SEPTIN11: variants seen among roughly 807,000 people sequenced by gnomAD.
SEPTIN11 encodes the protein septin 11.
SEPTIN11 carries 25 observed loss-of-function variants against 51.4 expected under a neutral mutation model. The ratio of observed to expected loss-of-function variants is 0.49; its 90% CI spans 0.35 to 0.68. The LOEUF is 0.68. SEPTIN11 is among the 30% of genes least tolerant of loss of function. SEPTIN11 has a pLI of 0.00. For missense variants in SEPTIN11, 381 were observed against 520.8 expected, an observed-to-expected ratio of 0.73 and a Z score of 2.61; for synonymous variants, 174 against 184.1, an observed-to-expected ratio of 0.95 and a Z score of 0.44.
intron 1 of SEPTIN11, among the ~76,000 whole-genome samples, chr4:76,960,958 G>A (rs996329584): frequency 5.9e-5 from 9 of 152,194 alleles, no homozygotes; most frequent in African/African-American, 2.2e-4. Flanking sequence ...ATTCATGACT[G>A]TGCAGCATCA....
intron 1 of SEPTIN11, among the ~76,000 whole-genome samples, chr4:76,956,684 G>A (rs1482905597): frequency 1.3e-5 from 2 of 152,174 alleles, no homozygotes; most frequent in Non-Finnish European, 2.9e-5. Context: ...TCACTTCCAT[G>A]CAGATTGTAT....
intron 2 of SEPTIN11, among the ~76,000 whole-genome samples, chr4:77,001,191 T>C (rs189243933): frequency 2.6e-5 from 4 of 152,278 alleles, no homozygotes; most frequent in Admixed American, 2.0e-4. Flanking sequence ...AAAACAGAAG[T>C]CCCAGATAGC....
At chr4:76,952,352 T>C (rs559914654) in intron 1 of SEPTIN11, among the ~76,000 whole-genome samples, 122 of 152,324 alleles carry the variant, frequency 8.0e-4, no homozygotes, top group African/African-American at 2.8e-3. Context: ...TCCCTAGGTA[T>C]TTAATTAGAT....
chr4:76,964,534 G>A (rs568877256), intron 1 of SEPTIN11, among the ~76,000 whole-genome samples: 3 of 152,252 alleles, frequency 2.0e-5, no homozygotes, highest in South Asian at 2.1e-4. Flanking sequence ...AGAGATACTC[G>A]AGGATCTTCA....
intron 2 of SEPTIN11, among the ~76,000 whole-genome samples, chr4:76,998,668 C>T (rs1467991415): frequency 6.6e-6 from 1 of 152,158 alleles, no homozygotes; most frequent in East Asian, 1.9e-4. Context: ...TTAAGAGCAG[C>T]TGGCTGCAGG....
intron 5 of SEPTIN11, among the ~76,000 whole-genome samples, chr4:77,016,655 T>TATATATATATATATACAC (rs1553975019): frequency 9.2e-6 from 1 of 109,024 alleles, no homozygotes; most frequent in Non-Finnish European, 2.0e-5. Flanking sequence ...TATATATATA[T>TATATATATATATATACAC]ACACATATAT....
intron 1 of SEPTIN11, among the ~76,000 whole-genome samples, chr4:76,969,816 TCTGA>T (rs1404618343): frequency 6.6e-6 from 1 of 152,222 alleles, no homozygotes; most frequent in East Asian, 1.9e-4. Context: ...CTAGCCCTTT[TCTGA>T]CTATTAGTTA....
rs369007706 is a variant in SEPTIN11 at position 77,030,847 on chromosome 4, A to C, written c.1151A>C (p.Lys384Thr). 1 of 1,613,572 alleles carries C rather than the reference A, an allele frequency of 6.2e-7. No individual in the cohort carries two copies. Among genetic ancestry groups the C allele is most frequent in the Non-Finnish European group, 8.5e-7 (1 of 1,179,920 alleles). ...GAAGAAAAGAAGAAAGTGGAAGACAAGAAGAAGGAGCTTGAGGAGGAGGTG... is the reference window on the plus strand; with the variant it reads ...GAAGAAAAGAAGAAAGTGGAAGACACGAAGAAGGAGCTTGAGGAGGAGGTG... ...HQEEKKKVED[K>T]KKELEEEVNN... is the part of the protein sequence containing the mutation. The change falls in exon 9 of 10, where the codon AAG becomes ACG. Residue 384 changes from lysine to threonine, a missense_variant. By Grantham distance (78) the Lys-to-Thr change is moderately conservative. Transcript: ENST00000264893.
rs200462512 is a variant in SEPTIN11 at position 77,033,159 on chromosome 4, GA to G, written c.1275-1327del. 4.5e-3 allele frequency among the ~76,000 whole-genome samples: 664 copies of G among 147,606 alleles called. 3 individuals are homozygous for G. The highest frequency in any genetic ancestry group is 5.8e-3 in the Non-Finnish European group (386 of 66,450). ...GCCAGTGGAGGCCTGAAATGTCCAA[GA>G]AAAAAAAAAATCACACCTCTTACTG... On this transcript the variant is annotated intron_variant, in intron 9 of 9. Coordinates refer to ENST00000264893, the MANE Select transcript of SEPTIN11 (RefSeq NM_018243.4).
intron 2 of SEPTIN11, among the ~76,000 whole-genome samples, chr4:76,998,458 A>T (rs1723884832): frequency 6.6e-6 from 1 of 152,118 alleles, no homozygotes. Flanking sequence ...CGCCTTTTCC[A>T]GCTTCTGGAA....
chr4:76,961,227 G>A (rs894339960), intron 1 of SEPTIN11, among the ~76,000 whole-genome samples: 11 of 152,020 alleles, frequency 7.2e-5, no homozygotes, highest in Non-Finnish European at 1.3e-4. Context: ...AATGTAATTC[G>A]AGGACCCTTG....
intron 1 of SEPTIN11, among the ~76,000 whole-genome samples, chr4:76,955,101 T>A (rs765560801): frequency 7.2e-5 from 11 of 152,228 alleles, no homozygotes; most frequent in Non-Finnish European, 1.5e-4. Flanking sequence ...ATTTTTTTTC[T>A]CTTATAGAAG....
intron 7 of SEPTIN11, 22 bp downstream of exon 7, chr4:77,020,692 A>G (rs892807071): frequency 6.2e-7 from 1 of 1,610,508 alleles, no homozygotes; most frequent in Non-Finnish European, 8.5e-7. Flanking sequence ...TCTAGCAATC[A>G]GGTGTCTCCC....
intron 4 of SEPTIN11, among the ~76,000 whole-genome samples, chr4:77,013,745 C>T (rs528297819): frequency 3.3e-5 from 5 of 152,142 alleles, no homozygotes; most frequent in Admixed American, 2.6e-4. Flanking sequence ...TCTAATTTGG[C>T]CTTTGGATAA....
At chr4:76,996,900 T>TTTTTTTG (rs1723763008) in intron 2 of SEPTIN11, among the ~76,000 whole-genome samples, 1 of 150,654 alleles carries the variant, frequency 6.6e-6, no homozygotes, top group African/African-American at 2.4e-5. Flanking sequence ...TTTTTTTTTT[T>TTTTTTTG]GAGGAGTCTT....
intron 1 of SEPTIN11, among the ~76,000 whole-genome samples, chr4:76,993,825 A>ACT (rs1723510693): frequency 6.6e-6 from 1 of 152,200 alleles, no homozygotes; most frequent in East Asian, 1.9e-4. Flanking sequence ...TCAAGACCAA[A>ACT]CTGTTTTATA....
rs936240236 is a variant in SEPTIN11 at position 77,024,194 on chromosome 4, A to G, written c.953+3524A>G. ...CGCCGTATTCAAGCCTTGGCAGCAC[A>G]CCACGGCAGTAAAGCTAGCGGAGCC... is the stretch of plus-strand genomic sequence containing the variant. On this transcript the variant is annotated intron_variant, in intron 7 of 9. Coordinates refer to ENST00000264893, the MANE Select transcript of SEPTIN11 (RefSeq NM_018243.4). The surrounding 1 kb of genome is among the most constrained non-coding windows in gnomAD (Gnocchi z 4.2). Among the ~76,000 whole-genome samples, 5 of 152,146 alleles carry G rather than the reference A, an allele frequency of 3.3e-5. No individual in the cohort carries two copies. Among genetic ancestry groups the G allele is most frequent in the African/African-American group, 1.2e-4 (5 of 41,440 alleles).
chr4:76,974,863 C>T, intron 1 of SEPTIN11: 1 of 456,550 alleles, frequency 2.2e-6, no homozygotes, highest in Non-Finnish European at 4.4e-6. Flanking sequence ...TGGCTCATGC[C>T]TGTAATCCCA....
chr4:77,032,320 G>T lies in SEPTIN11; in HGVS notation c.1274+1350G>T, dbSNP rs569151592. 1.9e-4 allele frequency among the ~76,000 whole-genome samples: 29 copies of T among 152,320 alleles called. No individual in the cohort carries two copies. In the East Asian group the frequency reaches 5.4e-3, roughly 28 times the overall value. On this transcript the variant is annotated intron_variant, in intron 9 of 9. Transcript: ENST00000264893. Reference sequence around the variant, plus strand: ...TTGGCACAGATCCAAGTGACCAAAGGAGTTCAAGGCCCAAAATTTAGTTAT... The same window carrying T: ...TTGGCACAGATCCAAGTGACCAAAGTAGTTCAAGGCCCAAAATTTAGTTAT...
Sources: allele counts gnomAD v4.1 joint callset (sites outside exome capture counted in the v4.1 genomes callset), GRCh38; gene constraint gnomAD v4.1.1; non-coding constraint Gnocchi (gnomAD v3.1); transcripts MANE v1.5; gene names NCBI Gene and HGNC (gene_info 2026-07-23, HGNC 2026-07-21).